TRIT1: variants seen among roughly 807,000 people sequenced by gnomAD.
The protein encoded by TRIT1 is tRNA isopentenyltransferase 1, also known as tRNA dimethylallyltransferase.
A neutral mutation model predicts 51.2 loss-of-function variants in TRIT1; 43 were observed. The ratio of observed to expected loss-of-function variants is 0.84; its 90% confidence interval spans 0.66 to 1.08. The LOEUF is 1.08. TRIT1 is among the 50% of genes least tolerant of loss of function. TRIT1 has a pLI of 0.00. For missense variants in TRIT1, 528 were observed against 578.4 expected (o/e 0.91, Z 0.89); for synonymous variants, 184 against 203.9 (o/e 0.90, Z 0.83).
intron 4 of TRIT1, among the ~76,000 whole-genome samples, chr1:39,851,367 G>C (rs144145209): frequency 1.1e-4 from 16 of 152,222 alleles, no homozygotes; most frequent in Non-Finnish European, 1.8e-4. Context: ...TGATAAGAAA[G>C]AACTGATTAG....
chr1:39,877,001 T>A (rs1293597725), intron 1 of TRIT1, among the ~76,000 whole-genome samples: 1 of 119,052 alleles, frequency 8.4e-6, no homozygotes. Flanking sequence ...ACCCCTTTTC[T>A]CCTGGTTAAT....
In TRIT1 at chr1:39,848,979, T is replaced by C. The variant is rs143454008; in HGVS notation, c.704-882A>G. Among the ~76,000 whole-genome samples, 265 of 152,306 alleles carry C rather than the reference T, an allele frequency of 1.7e-3. 1 individual carries two copies. Among genetic ancestry groups the C allele is most frequent in the African/African-American group, 6.1e-3 (252 of 41,558 alleles). On this transcript the variant is annotated intron_variant, in intron 5 of 10. Coordinates refer to ENST00000316891, the MANE Select transcript of TRIT1 (RefSeq NM_017646.6). ...TGCCTGTAGAGTAAAAGTTTTTGTTTATAAAATTTCATTATTGAAAAATTA... is the reference window on the plus strand; with the variant it reads ...TGCCTGTAGAGTAAAAGTTTTTGTTCATAAAATTTCATTATTGAAAAATTA...
intron 1 of TRIT1, among the ~76,000 whole-genome samples, chr1:39,877,459 C>T (rs1368627042): frequency 6.6e-6 from 1 of 151,702 alleles, no homozygotes; most frequent in African/African-American, 2.4e-5. Context: ...TTTAAACAAA[C>T]ACAAAAGGAA....
At position 39,851,563 on chromosome 1, in the gene TRIT1, C is replaced by A. The variant is rs1642571474; in HGVS notation, c.560+1168G>T. On this transcript the variant is annotated intron_variant, in intron 4 of 10. Transcript: ENST00000316891. Reference sequence around the variant, plus strand: ...AACATGCATTCTTAATGAGGTTATACATTGCCTTTAAGGGGGTGAAAAAAC... The same window carrying A: ...AACATGCATTCTTAATGAGGTTATAAATTGCCTTTAAGGGGGTGAAAAAAC... Among the ~76,000 whole-genome samples, 2 of 152,124 alleles carry A rather than the reference C, an allele frequency of 1.3e-5. 1 individual carries two copies. The highest frequency in any genetic ancestry group is 1.3e-4 in the Admixed American group (2 of 15,272).
At chr1:39,869,443 T>C (rs543154128) in intron 1 of TRIT1, among the ~76,000 whole-genome samples, 10 of 152,312 alleles carry the variant, frequency 6.6e-5, no homozygotes, top group African/African-American at 2.4e-4. Context: ...GTTGTGATCT[T>C]GGCTCGCTAC....
chr1:39,858,832 C>A (rs990384051), intron 1 of TRIT1, among the ~76,000 whole-genome samples: 2 of 152,152 alleles, frequency 1.3e-5, no homozygotes, highest in African/African-American at 4.8e-5. Context: ...CATTCTCATA[C>A]CTGAAAATTA....
chr1:39,847,710 C>T, intron 6 of TRIT1, 50 bp from the exon 7 acceptor site: 1 of 1,612,980 alleles, frequency 6.2e-7, no homozygotes, highest in South Asian at 1.1e-5. Context: ...TAAAAGCTAG[C>T]AGGGGCTTTG....
In TRIT1 at chr1:39,839,903, T is replaced by C. The variant is rs1177986452; in HGVS notation, c.*1841A>G. Among the ~76,000 whole-genome samples, 1 of 152,212 alleles carries C rather than the reference T, an allele frequency of 6.6e-6. No individual in the cohort carries two copies. The highest frequency in any genetic ancestry group is 1.5e-5 in the Non-Finnish European group (1 of 68,036). On this transcript the variant is annotated 3_prime_UTR_variant, in exon 11 of 11. Coordinates refer to ENST00000316891, the MANE Select transcript of TRIT1 (RefSeq NM_017646.6). ...TGAAACCTTTTTAGGCTTTAAAACA[T>C]ACTTAGCAACTTGAACGAAGAATAT...
Position 39,841,593 on chromosome 1 carries a change from T to G in TRIT1, c.*151A>C. The G allele has an allele frequency of 1.3e-6, 1 of 768,178 alleles. No homozygotes were observed. Among genetic ancestry groups the G allele is most frequent in the South Asian group, 2.6e-5 (1 of 38,932 alleles). The allele number at this position is 768,178 out of a possible 1,614,324, so 47.6% of individuals were successfully genotyped here. On this transcript the variant is annotated 3_prime_UTR_variant, in exon 11 of 11. Coordinates refer to ENST00000316891, the MANE Select transcript of TRIT1 (RefSeq NM_017646.6). ...GTTTCTATTATAGAGAACGTGAGAC[T>G]TTAAAACCACATCAAAAGAAAATGG...
chr1:39,876,391 C>A (rs183743828), intron 1 of TRIT1, among the ~76,000 whole-genome samples: 11 of 152,184 alleles, frequency 7.2e-5, no homozygotes, highest in African/African-American at 2.4e-4. Flanking sequence ...AGATTTGACT[C>A]CAAAGTTCTC....
At chr1:39,847,152 G>T in intron 8 of TRIT1, 68 bp downstream of exon 8, 2 of 1,295,682 alleles carry the variant, frequency 1.5e-6, no homozygotes, top group Non-Finnish European at 2.2e-6. Flanking sequence ...TCATTTTCTG[G>T]GTGAGCTGAG....
At chr1:39,852,984 GC>G (rs1642675377) in intron 3 of TRIT1, 108 bp from the exon 4 acceptor site, 1 of 1,249,270 alleles carries the variant, frequency 8.0e-7, no homozygotes, top group African/African-American at 1.5e-5. Flanking sequence ...AGAAGATCTT[GC>G]CATATAGTGA....
chr1:39,868,661 A>G (rs1468470737), intron 1 of TRIT1, among the ~76,000 whole-genome samples: 1 of 151,490 alleles, frequency 6.6e-6, no homozygotes, highest in Non-Finnish European at 1.5e-5. Context: ...AAAAAAAAAA[A>G]ACTCTTAAAA....
chr1:39,866,101 GAA>G, intron 1 of TRIT1, among the ~76,000 whole-genome samples: 2 of 148,088 alleles, frequency 1.4e-5, no homozygotes, highest in African/African-American at 2.5e-5. Context: ...AGAAAGGAAG[GAA>G]GGAAGGAAGG....
chr1:39,854,392 A>C (rs1180728316), intron 2 of TRIT1, among the ~76,000 whole-genome samples: 3 of 152,248 alleles, frequency 2.0e-5, no homozygotes, highest in Non-Finnish European at 4.4e-5. Context: ...GGACTCTCAC[A>C]GAACCAAGTG....
chr1:39,872,068 A>ATTTTTTTTTT (rs59839907), intron 1 of TRIT1, among the ~76,000 whole-genome samples: 8 of 114,252 alleles, frequency 7.0e-5, no homozygotes, highest in East Asian at 3.2e-4. Flanking sequence ...GGCCTGACTA[A>ATTTTTTTTTT]TTTTTTTTTT....
Position 39,853,882 on chromosome 1 carries a change from G to A in TRIT1, c.414+88C>T. ...TTATAGTTGCTGGGTATAAGAAATAGGCAAGAGTCAACCTTTCTCCCACTG... is the reference window on the plus strand; with the variant it reads ...TTATAGTTGCTGGGTATAAGAAATAAGCAAGAGTCAACCTTTCTCCCACTG... On this transcript the variant is annotated intron_variant, in intron 3 of 10. Coordinates refer to ENST00000316891, the MANE Select transcript of TRIT1 (RefSeq NM_017646.6). 8 of 877,866 alleles carry A rather than the reference G, an allele frequency of 9.1e-6. No individual in the cohort carries two copies. The South Asian group carries it at 1.1e-4, about 12-fold the overall frequency. The allele number at this position is 877,866 out of a possible 1,614,324, so 54.4% of individuals were successfully genotyped here. A position where few individuals can be genotyped will look rare whatever the true frequency, so the allele number is the denominator to read the frequency against.
intron 3 of TRIT1, among the ~76,000 whole-genome samples, chr1:39,853,428 G>C (rs1469097225): frequency 6.7e-6 from 1 of 150,354 alleles, no homozygotes; most frequent in Non-Finnish European, 1.5e-5. Flanking sequence ...ACAGGGTCTC[G>C]CTCTGTTGCC....
intron 1 of TRIT1, among the ~76,000 whole-genome samples, chr1:39,880,696 G>A (rs1256491278): frequency 2.6e-5 from 4 of 152,022 alleles, no homozygotes; most frequent in African/African-American, 4.8e-5. Context: ...CTACTCGGGA[G>A]GCTGAGGCAG....
Sources: allele counts gnomAD v4.1 joint callset (sites outside exome capture counted in the v4.1 genomes callset), GRCh38; gene constraint gnomAD v4.1.1; transcripts MANE v1.5; gene names NCBI Gene and HGNC (gene_info 2026-07-23, HGNC 2026-07-21).